Variants in ST6GALNAC3 observed in about 807,000 individuals in gnomAD.
The protein encoded by ST6GALNAC3 is ST6 N-acetylgalactosaminide alpha-2,6-sialyltransferase 3, also known as alpha-N-acetylgalactosaminide alpha-2,6-sialyltransferase 3.
Under a neutral mutation model 32.7 loss-of-function variants are expected in ST6GALNAC3, and 25 were observed. The ratio of observed to expected loss-of-function variants is 0.76; its 90% CI spans 0.56 to 1.07. The LOEUF is 1.07. ST6GALNAC3 is among the 50% of genes least tolerant of loss of function. ST6GALNAC3 has a pLI of 0.00. For missense variants in ST6GALNAC3, 355 were observed against 382.4 expected, an observed-to-expected ratio of 0.93 and a Z score of 0.60; for synonymous variants, 129 against 133.1, an observed-to-expected ratio of 0.97 and a Z score of 0.21.
chr1:76,405,284 G>C (rs913360654), intron 2 of ST6GALNAC3, among the ~76,000 whole-genome samples: 1 of 152,030 alleles, frequency 6.6e-6, no homozygotes, highest in Non-Finnish European at 1.5e-5. Context: ...GTACATGGCT[G>C]TTCCTTTTTG....
chr1:76,120,510 T>C (rs1557632331), intron 1 of ST6GALNAC3, among the ~76,000 whole-genome samples: 1 of 152,214 alleles, frequency 6.6e-6, no homozygotes, highest in Non-Finnish European at 1.5e-5. Flanking sequence ...ATAGAATGTC[T>C]CCTTTGATCC....
At chr1:76,275,977 C>A (rs980665140) in intron 1 of ST6GALNAC3, among the ~76,000 whole-genome samples, 6 of 152,226 alleles carry the variant, frequency 3.9e-5, no homozygotes, top group African/African-American at 1.4e-4. Context: ...AATCTGAGAT[C>A]TATTCCTTTA....
intron 1 of ST6GALNAC3, among the ~76,000 whole-genome samples, chr1:76,125,991 G>A (rs1649213564): frequency 6.6e-6 from 1 of 152,166 alleles, no homozygotes; most frequent in Non-Finnish European, 1.5e-5. Flanking sequence ...CTTCCTGCTG[G>A]TGTTGGAGAC....
At chr1:76,326,183 G>C (rs1647066007) in intron 2 of ST6GALNAC3, among the ~76,000 whole-genome samples, 1 of 152,092 alleles carries the variant, frequency 6.6e-6, no homozygotes, top group Non-Finnish European at 1.5e-5. Context: ...CTTCACCAAT[G>C]ACCATTGAGC....
At chr1:76,560,431 C>T (rs892680696) in intron 3 of ST6GALNAC3, among the ~76,000 whole-genome samples, 1 of 152,096 alleles carries the variant, frequency 6.6e-6, no homozygotes, top group South Asian at 2.1e-4. Context: ...GCAAACTACC[C>T]ATCTGACAAG....
At chr1:76,174,798 C>T (rs1466989175) in intron 1 of ST6GALNAC3, among the ~76,000 whole-genome samples, 8 of 151,882 alleles carry the variant, frequency 5.3e-5, no homozygotes, top group Non-Finnish European at 1.0e-4. Flanking sequence ...TCCCAAGTAG[C>T]TGGGATCACA....
rs1655081703 is a variant in ST6GALNAC3, at chr1:76,422,313, A to C, written c.623+9896A>C. ...GAAAAAAATGCATCCACTCAGAAAC[A>C]GTGCAATTAAGTTACAAGTTTAAGG... On this transcript the variant is annotated intron_variant, in intron 3 of 4. Coordinates refer to ENST00000328299, the MANE Select transcript of ST6GALNAC3 (RefSeq NM_152996.4). Among the ~76,000 whole-genome samples the C allele has an allele frequency of 2.0e-5, 3 of 152,146 alleles. No homozygotes were observed. In the South Asian group the frequency reaches 6.2e-4, roughly 32 times the overall value.
chr1:76,213,848 T>G (rs1331491807), intron 1 of ST6GALNAC3, among the ~76,000 whole-genome samples: 1 of 152,210 alleles, frequency 6.6e-6, no homozygotes, highest in Non-Finnish European at 1.5e-5. Context: ...CTTTAGATGG[T>G]GAACATCTCA....
chr1:76,177,781 G>A (rs1652940762), intron 1 of ST6GALNAC3, among the ~76,000 whole-genome samples: 1 of 152,172 alleles, frequency 6.6e-6, no homozygotes, highest in Non-Finnish European at 1.5e-5. Flanking sequence ...AGGGAATGAT[G>A]GTTAATATAG....
intron 3 of ST6GALNAC3, among the ~76,000 whole-genome samples, chr1:76,428,532 G>A (rs914599399): frequency 6.6e-6 from 1 of 151,788 alleles, no homozygotes; most frequent in Non-Finnish European, 1.5e-5. Context: ...TTCTTTCCAC[G>A]TTATTTTGCA....
Position 76,557,867 on chromosome 1 carries a change from G to A in ST6GALNAC3, c.624-69585G>A, listed in dbSNP as rs114873267. ...AATGGGAATGTGTGGAGTCATTCCA[G>A]CCAAAAGCAGAAGAACAAAAGAAAA... On this transcript the variant is annotated intron_variant, in intron 3 of 4. Transcript: ENST00000328299. Among the ~76,000 whole-genome samples the A allele has an allele frequency of 3.1e-3, 471 of 152,128 alleles. 2 individuals carry two copies. The highest frequency in any genetic ancestry group is 4.3e-3 in the Non-Finnish European group (289 of 67,964).
At chr1:76,249,854 A>G (rs1657510662) in intron 1 of ST6GALNAC3, among the ~76,000 whole-genome samples, 1 of 152,194 alleles carries the variant, frequency 6.6e-6, no homozygotes, top group Admixed American at 6.5e-5. Flanking sequence ...CTGTTGATTA[A>G]TAATGTTTAA....
intron 1 of ST6GALNAC3, among the ~76,000 whole-genome samples, chr1:76,207,791 T>C (rs538142330): frequency 2.0e-5 from 3 of 152,238 alleles, no homozygotes; most frequent in Non-Finnish European, 4.4e-5. Context: ...CCATTCAAAT[T>C]GATGGTAAAT....
Position 76,631,220 on chromosome 1 carries a change from T to G in ST6GALNAC3, c.*2414T>G. The G allele has an allele frequency of 6.0e-6, 1 of 166,188 alleles. No homozygotes were observed. Among genetic ancestry groups the G allele is most frequent in the Non-Finnish European group, 1.2e-5 (1 of 80,870 alleles). The allele number at this position is 166,188 out of a possible 1,614,324, so 10.3% of individuals were successfully genotyped here. On this transcript the variant is annotated 3_prime_UTR_variant, in exon 5 of 5. Coordinates refer to ENST00000328299, the MANE Select transcript of ST6GALNAC3 (RefSeq NM_152996.4). ...TCCTCTCCTCTCGTCTCCTCTTTCT[T>G]TCCTTTCTTTTTGCAACTAAACTGC...
At chr1:76,252,474 CT>C (rs1657677018) in intron 1 of ST6GALNAC3, among the ~76,000 whole-genome samples, 1 of 152,112 alleles carries the variant, frequency 6.6e-6, no homozygotes, top group African/African-American at 2.4e-5. Flanking sequence ...AAGTGTGTAT[CT>C]GTTATCTAAC....
rs2100420722 is a variant in ST6GALNAC3, at chr1:76,171,533, G to C, written c.18+96649G>C. Among the ~76,000 whole-genome samples the C allele has an allele frequency of 1.3e-5, 2 of 150,038 alleles. 1 individual carries two copies. Among genetic ancestry groups the C allele is most frequent in the South Asian group, 4.2e-4 (2 of 4,774 alleles). ...TTTTGAAAAAATTAACGAATAGATA[G>C]ACCATTAGCTAGACTAATAAGGAAG... On this transcript the variant is annotated intron_variant, in intron 1 of 4. Transcript: ENST00000328299.
At chr1:76,566,332 T>G (rs944658842) in intron 3 of ST6GALNAC3, among the ~76,000 whole-genome samples, 3 of 152,142 alleles carry the variant, frequency 2.0e-5, no homozygotes, top group African/African-American at 7.2e-5. Flanking sequence ...CTGCTTCTTC[T>G]CTACCTCTTT....
intron 1 of ST6GALNAC3, among the ~76,000 whole-genome samples, chr1:76,096,467 A>G (rs559478645): frequency 9.1e-4 from 138 of 152,262 alleles, no homozygotes; most frequent in Admixed American, 1.8e-3. Flanking sequence ...TTGTTGGACA[A>G]TACAGTGAAT....
chr1:76,150,658 G>A (rs1650981245), intron 1 of ST6GALNAC3, among the ~76,000 whole-genome samples: 2 of 149,434 alleles, frequency 1.3e-5, no homozygotes, highest in African/African-American at 4.9e-5. Context: ...AGGATTCTGT[G>A]AAACGTTGTC....
Sources: allele counts gnomAD v4.1 joint callset (sites outside exome capture counted in the v4.1 genomes callset), GRCh38; gene constraint gnomAD v4.1.1; transcripts MANE v1.5; gene names NCBI Gene and HGNC (gene_info 2026-07-23, HGNC 2026-07-21).